Variants in KCNB2 observed in about 807,000 individuals in gnomAD.
KCNB2 encodes the protein potassium voltage-gated channel subfamily B member 2, also known as delayed rectifier potassium channel protein.
Under a neutral mutation model 61.5 loss-of-function variants are expected in KCNB2, and 15 were observed. The observed-to-expected ratio is 0.24, with a 90% CI of 0.16 to 0.38. KCNB2 has a LOEUF of 0.38. KCNB2 is among the 10% of genes least tolerant of loss of function. The probability of loss-of-function intolerance (pLI) is 1.00; values close to 1 mark genes in which losing one functional copy is unlikely to be tolerated. For missense variants in KCNB2, 828 were observed against 1,125.2 expected (o/e 0.74, Z 3.78); for synonymous variants, 457 against 446.0 (o/e 1.02, Z -0.31).
chr8:72,762,812 G>GA (rs2128996569), intron 2 of KCNB2, among the ~76,000 whole-genome samples: 1 of 150,914 alleles, frequency 6.6e-6, no homozygotes, highest in African/African-American at 2.4e-5. Flanking sequence ...TTTGAGCACT[G>GA]AAAAGCTGAC....
chr8:72,817,269 G>A (rs900733098), intron 2 of KCNB2, among the ~76,000 whole-genome samples: 8 of 152,100 alleles, frequency 5.3e-5, no homozygotes, highest in Admixed American at 3.9e-4. Flanking sequence ...GGCAAGTGGT[G>A]CTGAAAAAAA....
chr8:72,830,227 C>CA (rs543474001), intron 2 of KCNB2, among the ~76,000 whole-genome samples: 17,603 of 82,332 alleles, frequency 0.21, 975 homozygotes, highest in Admixed American at 0.25. Context: ...TCATATTTTC[C>CA]AAAAAAAAAA....
intron 2 of KCNB2, among the ~76,000 whole-genome samples, chr8:72,834,489 C>G (rs1215143377): frequency 6.6e-6 from 1 of 152,186 alleles, no homozygotes; most frequent in Non-Finnish European, 1.5e-5. Context: ...GACTCCTTCT[C>G]TAGTCCAACT....
chr8:72,868,354 C>T (rs992754957), intron 2 of KCNB2, among the ~76,000 whole-genome samples: 5 of 151,506 alleles, frequency 3.3e-5, no homozygotes, highest in Non-Finnish European at 5.9e-5. Context: ...CTGAGGCAGG[C>T]GGATCACGAG....
intron 2 of KCNB2, among the ~76,000 whole-genome samples, chr8:72,590,192 A>G (rs777079432): frequency 1.3e-5 from 2 of 152,174 alleles, no homozygotes; most frequent in African/African-American, 2.4e-5. Flanking sequence ...AAGTAATTTA[A>G]TGACCTAAGA....
chr8:72,725,107 T>A (rs547932750), intron 2 of KCNB2, among the ~76,000 whole-genome samples: 1 of 152,312 alleles, frequency 6.6e-6, no homozygotes, highest in African/African-American at 2.4e-5. Flanking sequence ...AAAATTATTA[T>A]TTTGTTTGCA....
chr8:72,784,796 C>A (rs1004688986), intron 2 of KCNB2, among the ~76,000 whole-genome samples: 2 of 152,146 alleles, frequency 1.3e-5, no homozygotes, highest in Non-Finnish European at 2.9e-5. Context: ...TATCACTGGG[C>A]TCTTCCAGGA....
chr8:72,706,122 A>G (rs965737021), intron 2 of KCNB2, among the ~76,000 whole-genome samples: 1 of 152,222 alleles, frequency 6.6e-6, no homozygotes, highest in African/African-American at 2.4e-5. Flanking sequence ...AAACTGAAAG[A>G]CTGTGAAGAA....
chr8:72,571,589 G>A (rs1407321676), intron 2 of KCNB2, among the ~76,000 whole-genome samples: 1 of 152,144 alleles, frequency 6.6e-6, no homozygotes. Flanking sequence ...GTTTTTATCT[G>A]TATGATGGAC....
At chr8:72,676,734 G>A (rs928169963) in intron 2 of KCNB2, among the ~76,000 whole-genome samples, 1 of 152,090 alleles carries the variant, frequency 6.6e-6, no homozygotes, top group Non-Finnish European at 1.5e-5. Flanking sequence ...TGGGCAAGCA[G>A]GGGTTAACTT....
intron 2 of KCNB2, among the ~76,000 whole-genome samples, chr8:72,843,018 T>C (rs543097489): frequency 1.3e-5 from 2 of 152,306 alleles, no homozygotes; most frequent in African/African-American, 4.8e-5. Flanking sequence ...GTTCTTTTAA[T>C]TGTGACATTA....
intron 2 of KCNB2, among the ~76,000 whole-genome samples, chr8:72,933,572 G>A (rs1293508663): frequency 1.3e-5 from 2 of 152,200 alleles, no homozygotes; most frequent in Non-Finnish European, 2.9e-5. Context: ...TAGCAACAGC[G>A]TGACCTCCCG....
chr8:72,702,728 T>A (rs1807153983), intron 2 of KCNB2, among the ~76,000 whole-genome samples: 1 of 152,148 alleles, frequency 6.6e-6, no homozygotes, highest in East Asian at 1.9e-4. Context: ...CTGTTAAATG[T>A]TGTGGTTTGT....
chr8:72,714,842 T>A (rs1444969102), intron 2 of KCNB2, among the ~76,000 whole-genome samples: 3 of 151,994 alleles, frequency 2.0e-5, no homozygotes, highest in Admixed American at 6.6e-5. Context: ...GGCTAAATGC[T>A]CCAATTAAAA....
At chr8:72,640,784 T>C (rs1033101118) in intron 2 of KCNB2, among the ~76,000 whole-genome samples, 4 of 152,142 alleles carry the variant, frequency 2.6e-5, no homozygotes, top group African/African-American at 9.7e-5. Context: ...TTCATGATTT[T>C]GATGAAAAAC....
chr8:72,756,772 G>A (rs1261185970), intron 2 of KCNB2, among the ~76,000 whole-genome samples: 1 of 152,172 alleles, frequency 6.6e-6, no homozygotes, highest in Admixed American at 6.5e-5. Context: ...AGGTGGGACA[G>A]CTTTGAGTGA....
intron 2 of KCNB2, among the ~76,000 whole-genome samples, chr8:72,866,474 G>A (rs1007748466): frequency 6.6e-6 from 1 of 152,164 alleles, no homozygotes; most frequent in Non-Finnish European, 1.5e-5. Flanking sequence ...GAACACCTTT[G>A]CCTAACAGGT....
At chr8:72,669,533 G>A (rs559955967) in intron 2 of KCNB2, among the ~76,000 whole-genome samples, 1 of 152,220 alleles carries the variant, frequency 6.6e-6, no homozygotes, top group East Asian at 1.9e-4. Flanking sequence ...GTAATAAACA[G>A]AAACTTCTCT....
At chr8:72,723,618 A>G (rs1414064593) in intron 2 of KCNB2, among the ~76,000 whole-genome samples, 2 of 152,070 alleles carry the variant, frequency 1.3e-5, no homozygotes, top group Admixed American at 1.3e-4. Context: ...GTTGGTAGCC[A>G]CTCAGCTTCT....
Sources: gnomAD v4.1 joint callset for allele counts (sites outside exome capture counted in the v4.1 genomes callset) on GRCh38, gnomAD v4.1.1 for gene constraint, MANE v1.5 for transcripts, NCBI Gene and HGNC (gene_info 2026-07-23, HGNC 2026-07-21) for gene names.